FHIT: variants seen among roughly 807,000 people sequenced by gnomAD.
FHIT encodes bis(5'-adenosyl)-triphosphatase.
A neutral mutation model predicts 17.9 loss-of-function variants in FHIT; 19 were observed. That is an observed-to-expected ratio of 1.06 (90% CI 0.74 to 1.56). The LOEUF (loss-of-function observed/expected upper bound fraction) is 1.56, where lower values mean the gene tolerates loss of function less well. Among genes scored for constraint, FHIT ranks in the 40% most tolerant of loss-of-function variants. The probability of loss-of-function intolerance (pLI) is 0.00; values close to 1 mark genes in which losing one functional copy is unlikely to be tolerated. For synonymous variants in FHIT, 81 were observed against 69.7 expected, an observed-to-expected ratio of 1.16 and a Z score of -0.81; for missense variants, 248 against 189.2, an observed-to-expected ratio of 1.31 and a Z score of -1.82.
chr3:59,898,830 A>G (rs1704194025), intron 8 of FHIT, among the ~76,000 whole-genome samples: 2 of 152,218 alleles, frequency 1.3e-5, no homozygotes. Context: ...AAAAACAACA[A>G]TAATAATGGC....
intron 5 of FHIT, among the ~76,000 whole-genome samples, chr3:60,530,179 G>A (rs556793186): frequency 6.6e-6 from 1 of 152,184 alleles, no homozygotes; most frequent in South Asian, 2.1e-4. Flanking sequence ...AAGCAACAGG[G>A]ACCTAGTAAC....
At chr3:60,489,285 T>G (rs2033967528) in intron 5 of FHIT, among the ~76,000 whole-genome samples, 1 of 152,156 alleles carries the variant, frequency 6.6e-6, no homozygotes, top group Admixed American at 6.6e-5. Context: ...CAAATCTCCT[T>G]TAGAGGGCAC....
chr3:60,149,193 T>C (rs548770758), intron 5 of FHIT, among the ~76,000 whole-genome samples: 37 of 152,234 alleles, frequency 2.4e-4, no homozygotes, highest in Non-Finnish European at 5.1e-4. Context: ...GCATTTCTTC[T>C]ATTTACTTTC....
chr3:60,703,037 T>G (rs1553702622), intron 4 of FHIT, among the ~76,000 whole-genome samples: 1 of 152,190 alleles, frequency 6.6e-6, no homozygotes, highest in African/African-American at 2.4e-5. Context: ...TCTTTGCAGA[T>G]GTAATTTGTT....
At chr3:61,061,602 C>A (rs934145200) in intron 2 of FHIT, among the ~76,000 whole-genome samples, 2 of 151,554 alleles carry the variant, frequency 1.3e-5, no homozygotes, top group African/African-American at 4.9e-5. Context: ...AGTCTATGGA[C>A]TTGCTTGAAC....
At chr3:60,634,514 T>C (rs2039528888) in intron 4 of FHIT, among the ~76,000 whole-genome samples, 1 of 152,182 alleles carries the variant, frequency 6.6e-6, no homozygotes, top group Non-Finnish European at 1.5e-5. Context: ...AAACTTTCAT[T>C]ACAGAGTGTT....
intron 5 of FHIT, among the ~76,000 whole-genome samples, chr3:60,207,187 T>A (rs1703236189): frequency 6.6e-6 from 1 of 152,060 alleles, no homozygotes; most frequent in African/African-American, 2.4e-5. Flanking sequence ...TGTGTGTGTC[T>A]CTGTACCAAT....
At chr3:60,283,425 T>G (rs1206923815) in intron 5 of FHIT, among the ~76,000 whole-genome samples, 1 of 152,120 alleles carries the variant, frequency 6.6e-6, no homozygotes, top group African/African-American at 2.4e-5. Flanking sequence ...TCACATACCA[T>G]AACATTTATC....
intron 3 of FHIT, among the ~76,000 whole-genome samples, chr3:60,978,993 C>A (rs1363004035): frequency 2.0e-5 from 3 of 152,164 alleles, no homozygotes; most frequent in Admixed American, 1.3e-4. Context: ...ATGACAAAAT[C>A]CAGAACAGAT....
At chr3:60,569,736 T>TATATATATATATATATAC (rs1553654761) in intron 4 of FHIT, among the ~76,000 whole-genome samples, 3 of 46,278 alleles carry the variant, frequency 6.5e-5, no homozygotes, top group Non-Finnish European at 1.3e-4. Context: ...TATATATATA[T>TATATATATATATATATAC]ATATATATAT....
chr3:60,861,485 A>G (rs1553752614), intron 3 of FHIT, among the ~76,000 whole-genome samples: 1 of 151,342 alleles, frequency 6.6e-6, no homozygotes, highest in African/African-American at 2.4e-5. Flanking sequence ...TCCAGTAGCC[A>G]TGACAACCAA....
chr3:60,564,888 C>G (rs1438223893), intron 4 of FHIT, among the ~76,000 whole-genome samples: 1 of 152,114 alleles, frequency 6.6e-6, no homozygotes, highest in African/African-American at 2.4e-5. Flanking sequence ...ACGATTAACT[C>G]TAATTTTAAA....
chr3:60,820,068 G>T (rs2106761039), intron 4 of FHIT, among the ~76,000 whole-genome samples: 1 of 152,232 alleles, frequency 6.6e-6, no homozygotes. Flanking sequence ...TGCACTTTGG[G>T]TGGCTGAGGT....
At chr3:61,100,218 A>AC (rs1443785394) in intron 2 of FHIT, among the ~76,000 whole-genome samples, 1 of 151,410 alleles carries the variant, frequency 6.6e-6, no homozygotes, top group African/African-American at 2.4e-5. Context: ...CCAGCCCCAC[A>AC]CCCCCCGACA....
chr3:60,259,841 A>T (rs538918905), intron 5 of FHIT, among the ~76,000 whole-genome samples: 2 of 152,176 alleles, frequency 1.3e-5, no homozygotes, highest in East Asian at 3.9e-4. Context: ...AGAAAGAGTA[A>T]AGAGTGGGTC....
intron 5 of FHIT, among the ~76,000 whole-genome samples, chr3:60,492,058 G>T (rs371975836): frequency 2.4e-4 from 36 of 152,134 alleles, no homozygotes; most frequent in African/African-American, 8.4e-4. Context: ...TTGACATCTC[G>T]GACATAAATA....
intron 5 of FHIT, among the ~76,000 whole-genome samples, chr3:60,255,890 G>A (rs981865796): frequency 6.6e-6 from 1 of 152,036 alleles, no homozygotes; most frequent in Non-Finnish European, 1.5e-5. Context: ...ACAACAAACT[G>A]GTGTTCATGG....
chr3:60,093,479 T>C (rs1001405708), intron 5 of FHIT, among the ~76,000 whole-genome samples: 6 of 152,174 alleles, frequency 3.9e-5, no homozygotes, highest in African/African-American at 1.4e-4. Flanking sequence ...CTCAATTCCA[T>C]CTGCAACCTT....
chr3:61,079,514 A>C (rs1218454228), intron 2 of FHIT, among the ~76,000 whole-genome samples: 1 of 152,226 alleles, frequency 6.6e-6, no homozygotes, highest in Non-Finnish European at 1.5e-5. Context: ...TGTTCATAAT[A>C]AATAAATAGT....
Sources: allele counts gnomAD v4.1 joint callset (sites outside exome capture counted in the v4.1 genomes callset), GRCh38; gene constraint gnomAD v4.1.1; transcripts MANE v1.5; gene names NCBI Gene and HGNC (gene_info 2026-07-23, HGNC 2026-07-21).